TTLL5: variants seen among roughly 807,000 people sequenced by gnomAD.
TTLL5 encodes tubulin tyrosine ligase like 5, also known as tubulin polyglutamylase TTLL5.
In TTLL5, 132 loss-of-function variants were observed where a neutral mutation model predicts 168.4. That is an observed-to-expected ratio of 0.78 (90% CI 0.68 to 0.91). TTLL5 has a LOEUF of 0.91. Ranked by LOEUF, TTLL5 falls within the 40% of genes least tolerant of loss-of-function variation. The probability of loss-of-function intolerance (pLI) is 0.00; values close to 1 mark genes in which losing one functional copy is unlikely to be tolerated. For missense variants in TTLL5, 1,545 were observed against 1,581.5 expected (o/e 0.98, Z 0.39); for synonymous variants, 546 against 558.6 (o/e 0.98, Z 0.32).
intron 28 of TTLL5, among the ~76,000 whole-genome samples, chr14:75,847,245 C>T (rs1004218595): frequency 6.6e-6 from 1 of 151,996 alleles, no homozygotes; most frequent in Non-Finnish European, 1.5e-5. Flanking sequence ...TCAGGTGATC[C>T]ACCCACCTCG....
intron 4 of TTLL5, among the ~76,000 whole-genome samples, chr14:75,683,024 G>A (rs756551071): frequency 4.6e-5 from 7 of 152,002 alleles, no homozygotes; most frequent in Admixed American, 2.0e-4. Flanking sequence ...CTCCCGCCTC[G>A]GCCTCCCAAA....
At chr14:75,922,711 G>C (rs561633569) in intron 31 of TTLL5, among the ~76,000 whole-genome samples, 29 of 151,936 alleles carry the variant, frequency 1.9e-4, no homozygotes, top group South Asian at 4.2e-4. Context: ...GTGTCTCTGC[G>C]GGGCTTTGGT....
At chr14:75,781,758 C>T (rs907001587) in intron 24 of TTLL5, among the ~76,000 whole-genome samples, 1 of 151,992 alleles carries the variant, frequency 6.6e-6, no homozygotes, top group African/African-American at 2.4e-5. Context: ...AGTTCAAGAC[C>T]AGCCTGGTCA....
chr14:75,906,770 G>C (rs921477012), intron 31 of TTLL5: 2 of 965,520 alleles, frequency 2.1e-6, no homozygotes, highest in African/African-American at 3.5e-5. Flanking sequence ...AGAAGTTCTA[G>C]CTTCTCAAAA....
At chr14:75,662,017 C>T (rs1426366602) in intron 1 of TTLL5, among the ~76,000 whole-genome samples, 2 of 152,142 alleles carry the variant, frequency 1.3e-5, no homozygotes, top group African/African-American at 4.8e-5. Flanking sequence ...ATTTCTTCTT[C>T]TGACACACAC....
intron 18 of TTLL5, among the ~76,000 whole-genome samples, chr14:75,755,995 C>A: frequency 6.7e-6 from 1 of 148,662 alleles, no homozygotes; most frequent in Non-Finnish European, 1.5e-5. Flanking sequence ...CGCCCCCCAC[C>A]CCCACCCAGA....
At chr14:75,707,307 A>G (rs946547502) in intron 8 of TTLL5, among the ~76,000 whole-genome samples, 2 of 152,180 alleles carry the variant, frequency 1.3e-5, no homozygotes, top group Non-Finnish European at 2.9e-5. Context: ...ATATAGTAGT[A>G]TATGTATGAA....
At chr14:75,942,067 C>CA (rs1462894678) in intron 31 of TTLL5, among the ~76,000 whole-genome samples, 3 of 151,776 alleles carry the variant, frequency 2.0e-5, no homozygotes, top group Non-Finnish European at 4.4e-5. Context: ...CCTGTAGTCC[C>CA]AGCTACTTGG....
chr14:75,690,369 G>C, intron 6 of TTLL5, 47 bp downstream of exon 6: 1 of 1,549,154 alleles, frequency 6.5e-7, no homozygotes, highest in East Asian at 2.3e-5. Context: ...ACTGAACCTG[G>C]GGAATATTTA....
chr14:75,897,367 G>A (rs1363726344), intron 30 of TTLL5, among the ~76,000 whole-genome samples: 1 of 152,206 alleles, frequency 6.6e-6, no homozygotes, highest in East Asian at 1.9e-4. Flanking sequence ...CGAATTCTTT[G>A]TTGCTACTAT....
At chr14:75,772,047 T>G (rs1891363119) in intron 21 of TTLL5, among the ~76,000 whole-genome samples, 193 bp downstream of exon 21, 1 of 152,198 alleles carries the variant, frequency 6.6e-6, no homozygotes, top group African/African-American at 2.4e-5. Context: ...TACTTCAATG[T>G]GAAGCAAATC....
intron 27 of TTLL5, among the ~76,000 whole-genome samples, chr14:75,812,915 A>G (rs1894140205): frequency 6.6e-6 from 1 of 152,156 alleles, no homozygotes; most frequent in African/African-American, 2.4e-5. Flanking sequence ...CATTTTTAAT[A>G]TGCTCCCAGT....
At chr14:75,727,857 G>T in intron 12 of TTLL5, 2 of 501,380 alleles carry the variant, frequency 4.0e-6, no homozygotes, top group South Asian at 2.9e-5. Context: ...TGTCAGGGAT[G>T]GGGGAAAGGG....
chr14:75,936,033 T>G (rs1012438231), intron 31 of TTLL5, among the ~76,000 whole-genome samples: 1 of 152,246 alleles, frequency 6.6e-6, no homozygotes, highest in African/African-American at 2.4e-5. Context: ...AATAGTAATT[T>G]GAGTTTTCTG....
At chr14:75,903,443 A>C (rs1386620862) in intron 31 of TTLL5, among the ~76,000 whole-genome samples, 1 of 151,998 alleles carries the variant, frequency 6.6e-6, no homozygotes, top group East Asian at 1.9e-4. Context: ...CAGGGAGTGG[A>C]AGGGGAAAAG....
chr14:75,857,455 A>T (rs1267846924), intron 28 of TTLL5, among the ~76,000 whole-genome samples: 1 of 151,982 alleles, frequency 6.6e-6, no homozygotes, highest in Non-Finnish European at 1.5e-5. Context: ...TTTTTTATGT[A>T]TCTGTGTTCA....
chr14:75,883,020 T>C, intron 30 of TTLL5, 118 bp downstream of exon 30: 1 of 1,143,690 alleles, frequency 8.7e-7, no homozygotes, highest in Non-Finnish European at 1.2e-6. Flanking sequence ...GAACACCTGC[T>C]GGGAAATAAA....
chr14:75,714,098 A>G (rs1374956442), intron 9 of TTLL5, among the ~76,000 whole-genome samples: 1 of 152,122 alleles, frequency 6.6e-6, no homozygotes, highest in Non-Finnish European at 1.5e-5. Flanking sequence ...TGAAGATTAC[A>G]GGCCAGTCAT....
intron 12 of TTLL5, among the ~76,000 whole-genome samples, chr14:75,725,155 G>A (rs1028706684): frequency 3.0e-4 from 46 of 152,196 alleles, no homozygotes; most frequent in African/African-American, 1.1e-3. Context: ...ACCTGGTTTG[G>A]TTTTCTGTTG....
Sources: allele counts gnomAD v4.1 joint callset (sites outside exome capture counted in the v4.1 genomes callset), GRCh38; gene constraint gnomAD v4.1.1; transcripts MANE v1.5; gene names NCBI Gene and HGNC (gene_info 2026-07-23, HGNC 2026-07-21).